FLI1: variants seen among roughly 807,000 people sequenced by gnomAD.
The protein encoded by FLI1 is Fli-1 proto-oncogene, ETS transcription factor, also known as Friend leukemia integration 1 transcription factor.
FLI1 carries 13 observed loss-of-function variants against 53.1 expected under a neutral mutation model. That is an observed-to-expected ratio of 0.24 (90% CI 0.16 to 0.39). The LOEUF (loss-of-function observed/expected upper bound fraction) is 0.39, where lower values mean the gene tolerates loss of function less well. Ranked by LOEUF, FLI1 falls within the 10% of genes least tolerant of loss-of-function variation. The probability of loss-of-function intolerance (pLI) is 1.00; values close to 1 mark genes in which losing one functional copy is unlikely to be tolerated. For synonymous variants in FLI1, 244 were observed against 236.7 expected (o/e 1.03, Z -0.28); for missense variants, 424 against 600.5 (o/e 0.71, Z 3.07).
rs146279519 is a variant in FLI1, at chr11:128,776,077, A to G, written c.589+3092A>G. Among the ~76,000 whole-genome samples the G allele has an allele frequency of 9.2e-4, 140 of 152,116 alleles. 1 individual carries two copies. Among genetic ancestry groups the G allele is most frequent in the African/African-American group, 3.3e-3 (136 of 41,568 alleles). Reference sequence around the variant, plus strand: ...TACATTTCACAAAAGGTGCTTGACTATTTATTCTGGTGGTTTGGGAGGGGA... The same window carrying G: ...TACATTTCACAAAAGGTGCTTGACTGTTTATTCTGGTGGTTTGGGAGGGGA... On this transcript the variant is annotated intron_variant, in intron 4 of 8. Coordinates refer to ENST00000527786, the MANE Select transcript of FLI1 (RefSeq NM_002017.5).
intron 3 of FLI1, among the ~76,000 whole-genome samples, chr11:128,770,651 T>C (rs1941517273): frequency 6.6e-6 from 1 of 152,068 alleles, no homozygotes; most frequent in African/African-American, 2.4e-5. Flanking sequence ...GAGGAAATAA[T>C]AAAATAAATA....
Position 128,694,170 on chromosome 11 carries a change from C to T in FLI1, c.-89C>T. ...AGGGCCCAGGGCGCCAGGGAGGCCG[C>T]GCCGGGCTAATCCGAAGGGGCTGCG... On this transcript the variant is annotated 5_prime_UTR_variant, in exon 1 of 9. Coordinates refer to ENST00000527786, the MANE Select transcript of FLI1 (RefSeq NM_002017.5). 2.1e-6 allele frequency: 3 copies of T among 1,433,836 alleles called. No homozygotes were observed. The highest frequency in any genetic ancestry group is 2.8e-6 in the Non-Finnish European group (3 of 1,080,000). 88.8% of individuals were successfully genotyped at this position (1,433,836 alleles called of 1,614,324 possible).
At chr11:128,690,381 T>C (rs56369005), upstream of FLI1, among the ~76,000 whole-genome samples, 29,622 of 151,978 alleles carry the variant, frequency 0.19, 3,122 homozygotes, top group Middle Eastern at 0.28. Context: ...CTGCGGAGTT[T>C]CAAGTGACGG....
At chr11:128,758,544 G>A (rs191172385) in intron 2 of FLI1, among the ~76,000 whole-genome samples, 5 of 152,308 alleles carry the variant, frequency 3.3e-5, no homozygotes, top group Admixed American at 2.0e-4. Context: ...TGGGGCCCAC[G>A]AAGCCCTCAG....
chr11:128,694,378 C>A, intron 1 of FLI1, 102 bp downstream of exon 1: 1 of 919,528 alleles, frequency 1.1e-6, no homozygotes, highest in Non-Finnish European at 1.5e-6. Flanking sequence ...CGTGGCCTCT[C>A]TCCCTTCCCT....
At position 128,757,624 on chromosome 11, in the gene FLI1, C is replaced by G. The variant is rs190717906; in HGVS notation, c.19-491C>G. On this transcript the variant is annotated intron_variant, in intron 1 of 8. Transcript: ENST00000527786. ...CACCCTTCCCTTGTGTGACCTTGAG[C>G]AGCACACCTAGCCTCTCTGGGTGGA... 2.6e-5 allele frequency among the ~76,000 whole-genome samples: 4 copies of G among 152,346 alleles called. No homozygotes were observed. In the East Asian group the frequency reaches 7.7e-4, roughly 29 times the overall value.
chr11:128,802,918 G>A (rs1278609370), intron 5 of FLI1, among the ~76,000 whole-genome samples: 3 of 152,204 alleles, frequency 2.0e-5, no homozygotes, highest in East Asian at 1.9e-4. Flanking sequence ...GAGAAAAGCC[G>A]ATAAGAAGTC....
At chr11:128,754,322 C>A (rs1423961705) in intron 1 of FLI1, among the ~76,000 whole-genome samples, 1 of 151,314 alleles carries the variant, frequency 6.6e-6, no homozygotes, top group African/African-American at 2.4e-5. Flanking sequence ...CTGTTAACAG[C>A]TCAAAGGAGT....
chr11:128,704,520 T>TA (rs955136630), intron 1 of FLI1, among the ~76,000 whole-genome samples: 21 of 152,330 alleles, frequency 1.4e-4, no homozygotes, highest in African/African-American at 5.1e-4. Context: ...CCGTGGCCTT[T>TA]AAAAAAATCC....
Position 128,725,541 on chromosome 11 carries a change from A to G in FLI1, c.18+31265A>G, listed in dbSNP as rs1434583287. 2.0e-5 allele frequency among the ~76,000 whole-genome samples: 3 copies of G among 152,280 alleles called. No homozygotes were observed. In the East Asian group the frequency reaches 5.8e-4, roughly 29 times the overall value. On this transcript the variant is annotated intron_variant, in intron 1 of 8. Transcript: ENST00000527786. ...CACAAACCCTTAAATGTGTCTAGGA[A>G]CCTTTCACCAACTGAAGCCTGACTG... is the stretch of plus-strand genomic sequence containing the variant.
At chr11:128,752,852 A>G (rs1292628946) in intron 1 of FLI1, among the ~76,000 whole-genome samples, 1 of 152,210 alleles carries the variant, frequency 6.6e-6, no homozygotes, top group Non-Finnish European at 1.5e-5. Flanking sequence ...TATATCATGT[A>G]CTAAAGGCAC....
intron 5 of FLI1, among the ~76,000 whole-genome samples, chr11:128,789,034 G>A (rs1484740284): frequency 1.3e-5 from 2 of 152,186 alleles, no homozygotes; most frequent in Non-Finnish European, 2.9e-5. Context: ...CTGTGTGGAT[G>A]TCCTTTATGA....
chr11:128,750,076 A>G (rs988339746), intron 1 of FLI1, among the ~76,000 whole-genome samples: 2 of 152,248 alleles, frequency 1.3e-5, no homozygotes, highest in Admixed American at 1.3e-4. Context: ...TCGTGTCATT[A>G]TGCAAATAAT....
At chr11:128,744,108 G>A (rs61283211) in intron 1 of FLI1, among the ~76,000 whole-genome samples, 13,794 of 152,270 alleles carry the variant, frequency 0.091, 1,078 homozygotes, top group East Asian at 0.26. Context: ...TTAGAAGGGA[G>A]AGCAAAGATG....
At chr11:128,735,931 C>T (rs1024868184) in intron 1 of FLI1, among the ~76,000 whole-genome samples, 2 of 152,182 alleles carry the variant, frequency 1.3e-5, no homozygotes, top group African/African-American at 2.4e-5. Context: ...ACAAGACAAT[C>T]GAAACACGTA....
At chr11:128,726,592 A>AAG (rs1466726878) in intron 1 of FLI1, among the ~76,000 whole-genome samples, 1 of 146,576 alleles carries the variant, frequency 6.8e-6, no homozygotes, top group Non-Finnish European at 1.5e-5. Flanking sequence ...GGCCAGAACA[A>AAG]AGTGGATACT....
At chr11:128,757,243 G>C (rs1287245855) in intron 1 of FLI1, among the ~76,000 whole-genome samples, 1 of 151,978 alleles carries the variant, frequency 6.6e-6, no homozygotes, top group African/African-American at 2.4e-5. Flanking sequence ...CACCATGCCT[G>C]GCCAAGGCTT....
chr11:128,743,238 T>C (rs560748315), intron 1 of FLI1, among the ~76,000 whole-genome samples: 1 of 151,702 alleles, frequency 6.6e-6, no homozygotes, highest in East Asian at 1.9e-4. Flanking sequence ...AAATAAAGAA[T>C]AAAAAAATAA....
At chr11:128,784,058 TG>T (rs1345580496) in intron 5 of FLI1, among the ~76,000 whole-genome samples, 1 of 152,166 alleles carries the variant, frequency 6.6e-6, no homozygotes, top group Non-Finnish European at 1.5e-5. Context: ...TTCGGATTTT[TG>T]TAAGTTTCTC....
Sources: gnomAD v4.1 joint callset for allele counts (sites outside exome capture counted in the v4.1 genomes callset) on GRCh38, gnomAD v4.1.1 for gene constraint, MANE v1.5 for transcripts, NCBI Gene and HGNC (gene_info 2026-07-23, HGNC 2026-07-21) for gene names.